Variants in DOCK7 observed in about 807,000 individuals in gnomAD.
DOCK7 encodes the protein dedicator of cytokinesis 7.
DOCK7 carries 138 observed loss-of-function variants against 271.0 expected under a neutral mutation model. The observed-to-expected ratio is 0.51, with a 90% CI of 0.44 to 0.59. DOCK7 has a LOEUF of 0.59. DOCK7 is among the 20% of genes least tolerant of loss of function. The pLI is 0.00. For synonymous variants in DOCK7, 823 were observed against 876.1 expected, an observed-to-expected ratio of 0.94 and a Z score of 1.07; for missense variants, 2,066 against 2,592.4, an observed-to-expected ratio of 0.80 and a Z score of 4.41.
intron 14 of DOCK7, among the ~76,000 whole-genome samples, chr1:62,590,242 T>C (rs1350194637): frequency 1.3e-5 from 2 of 152,204 alleles, no homozygotes; most frequent in East Asian, 3.9e-4. Context: ...TTCTTAAAAG[T>C]AGCTGTGAAG....
intron 14 of DOCK7, chr1:62,603,946 AT>A: frequency 1.2e-6 from 2 of 1,610,378 alleles, no homozygotes; most frequent in Non-Finnish European, 1.7e-6. Context: ...TAACTCACAG[AT>A]TTTTAAAACT....
At chr1:62,463,308 A>G (rs1455073301) in intron 48 of DOCK7, among the ~76,000 whole-genome samples, 1 of 152,214 alleles carries the variant, frequency 6.6e-6, no homozygotes, top group African/African-American at 2.4e-5. Context: ...TAAAAGTTAC[A>G]ATGTTAGATA....
At chr1:62,501,516 G>A (rs549880405) in intron 37 of DOCK7, among the ~76,000 whole-genome samples, 2 of 152,136 alleles carry the variant, frequency 1.3e-5, no homozygotes, top group East Asian at 3.9e-4. Context: ...GAAATATTGA[G>A]GTACAAAGAA....
chr1:62,498,132 T>C (rs981812887), intron 37 of DOCK7, among the ~76,000 whole-genome samples: 1 of 151,852 alleles, frequency 6.6e-6, no homozygotes, highest in Non-Finnish European at 1.5e-5. Context: ...TAGTCCCAGC[T>C]ACTTGGGAGG....
chr1:62,573,999 G>C (rs915994913), intron 18 of DOCK7, among the ~76,000 whole-genome samples: 4 of 152,050 alleles, frequency 2.6e-5, no homozygotes, highest in Non-Finnish European at 5.9e-5. Context: ...AAAAGGGGAG[G>C]AGTCAGGAAG....
chr1:62,639,426 CTT>C (rs386367151), intron 7 of DOCK7, among the ~76,000 whole-genome samples: 3 of 75,880 alleles, frequency 4.0e-5, no homozygotes, highest in African/African-American at 1.2e-4. Context: ...TTGTAATACT[CTT>C]TTTTTTTTTT....
intron 40 of DOCK7, among the ~76,000 whole-genome samples, chr1:62,493,318 A>T (rs1168217429): frequency 2.6e-5 from 4 of 152,224 alleles, no homozygotes; most frequent in African/African-American, 4.8e-5. Flanking sequence ...TAAAAAAGAA[A>T]TGATACATAC....
chr1:62,503,099 T>C (rs1646833919), intron 37 of DOCK7, among the ~76,000 whole-genome samples: 1 of 152,090 alleles, frequency 6.6e-6, no homozygotes. Context: ...AGAAAAACTC[T>C]TAAGAAGATA....
intron 18 of DOCK7, among the ~76,000 whole-genome samples, chr1:62,565,391 C>T (rs1167709602): frequency 6.6e-6 from 1 of 152,172 alleles, no homozygotes; most frequent in East Asian, 1.9e-4. Context: ...CCCTGGGATG[C>T]AAGGTTGGTT....
intron 18 of DOCK7, among the ~76,000 whole-genome samples, chr1:62,571,468 T>G (rs1238413488): frequency 6.6e-6 from 1 of 152,190 alleles, no homozygotes; most frequent in Non-Finnish European, 1.5e-5. Flanking sequence ...GGTAAATTAG[T>G]TCAATAATTG....
intron 1 of DOCK7, among the ~76,000 whole-genome samples, chr1:62,680,336 T>G (rs1054092541): frequency 6.6e-6 from 1 of 152,184 alleles, no homozygotes; most frequent in South Asian, 2.1e-4. Context: ...GCTAGCCATA[T>G]GTAGAAAGCT....
rs538808802 is a variant in DOCK7, at chr1:62,455,056, T to C, written c.*358A>G. On this transcript the variant is annotated 3_prime_UTR_variant, in exon 50 of 50. Transcript: ENST00000635253. Reference sequence around the variant, plus strand: ...TTTAATAGTACCTTTAAAATAAGCATTACTACATTTAAAATGGTTCCAAAA... The same window carrying C: ...TTTAATAGTACCTTTAAAATAAGCACTACTACATTTAAAATGGTTCCAAAA... The C allele has an allele frequency of 8.4e-5, 40 of 477,186 alleles. No homozygotes were observed. The highest frequency in any genetic ancestry group is 7.8e-4 in the African/African-American group (39 of 49,850). 29.6% of individuals were successfully genotyped at this position (477,186 alleles called of 1,614,324 possible). A position where few individuals can be genotyped will look rare whatever the true frequency, so the allele number is the denominator to read the frequency against.
Position 62,508,016 on chromosome 1 carries a change from G to A in DOCK7, c.4422C>T (p.Asn1474=). 6.2e-7 allele frequency: 1 copy of A among 1,612,986 alleles called. No individual in the cohort carries two copies. The highest frequency in any genetic ancestry group is 8.5e-7 in the Non-Finnish European group (1 of 1,179,718). The stretch of plus-strand genomic sequence containing the variant: ...TGATTAGGTTTGCTTCTGTAGCCAG[G>A]TTTCCATCAATCAGTGCTTCGTGTT... ...EIEHEALIDG[N]LATEANLIIL... is the part of the protein sequence containing the mutation. Residue 1474 remains asparagine, a synonymous_variant, in exon 35 of 50, where the codon AAC becomes AAT. Transcript: ENST00000635253.
intron 14 of DOCK7, among the ~76,000 whole-genome samples, chr1:62,610,463 CTATTAT>C (rs199524312): frequency 1.3e-4 from 20 of 151,012 alleles, no homozygotes; most frequent in Middle Eastern, 3.4e-3. Flanking sequence ...CATACATTTA[CTATTAT>C]TATTATTATT....
chr1:62,555,635 G>T (rs928134345), intron 21 of DOCK7, among the ~76,000 whole-genome samples, 190 bp downstream of exon 21: 3 of 152,186 alleles, frequency 2.0e-5, no homozygotes, highest in South Asian at 4.1e-4. Flanking sequence ...TATAAAAAAA[G>T]ATGTCTAAAA....
At chr1:62,505,928 T>G in intron 35 of DOCK7, 112 bp from the exon 36 acceptor site, 3 of 1,033,464 alleles carry the variant, frequency 2.9e-6, no homozygotes, top group Non-Finnish European at 4.0e-6. Flanking sequence ...TAAGTAAAGT[T>G]TTAAAAGATA....
chr1:62,630,076 C>T (rs949291172), intron 11 of DOCK7, among the ~76,000 whole-genome samples: 1 of 152,162 alleles, frequency 6.6e-6, no homozygotes. Flanking sequence ...GAGAATGACC[C>T]TATGGTCTAA....
chr1:62,578,989 A>G, intron 16 of DOCK7, 23 bp from the exon 17 acceptor site: 3 of 1,474,072 alleles, frequency 2.0e-6, no homozygotes, highest in Non-Finnish European at 2.7e-6. Context: ...AAAAAAAAAA[A>G]TCAACAGTCA....
intron 48 of DOCK7, among the ~76,000 whole-genome samples, chr1:62,465,562 G>GT (rs1408667205): frequency 2.0e-5 from 3 of 151,886 alleles, no homozygotes; most frequent in South Asian, 2.1e-4. Flanking sequence ...GTTGTTGTTT[G>GT]TTTTTTTGAG....
Sources: allele counts gnomAD v4.1 joint callset (sites outside exome capture counted in the v4.1 genomes callset), GRCh38; gene constraint gnomAD v4.1.1; transcripts MANE v1.5; gene names NCBI Gene and HGNC (gene_info 2026-07-23, HGNC 2026-07-21).